Variants in SNTG1 observed in about 807,000 individuals in gnomAD.
SNTG1 encodes gamma-1-syntrophin.
A neutral mutation model predicts 74.7 loss-of-function variants in SNTG1; 39 were observed. That is an observed-to-expected ratio of 0.52 (90% CI 0.40 to 0.68). SNTG1 has a LOEUF of 0.68. Among genes scored for constraint, SNTG1 ranks in the 30% least tolerant of loss-of-function variants. The pLI, the probability that SNTG1 is intolerant of heterozygous loss-of-function variation, is 0.00. For missense variants in SNTG1, 685 were observed against 609.5 expected, an observed-to-expected ratio of 1.12 and a Z score of -1.30; for synonymous variants, 254 against 217.1, an observed-to-expected ratio of 1.17 and a Z score of -1.49.
At chr8:50,281,435 G>A (rs2130434460) in intron 2 of SNTG1, among the ~76,000 whole-genome samples, 1 of 152,282 alleles carries the variant, frequency 6.6e-6, no homozygotes, top group East Asian at 1.9e-4. Context: ...ATACATTCAA[G>A]TCTATCCACA....
At chr8:50,763,455 T>C (rs562027720) in intron 18 of SNTG1, among the ~76,000 whole-genome samples, 2 of 152,014 alleles carry the variant, frequency 1.3e-5, no homozygotes, top group East Asian at 3.9e-4. Context: ...ATAATTTTGA[T>C]TGAGGAAGAC....
intron 8 of SNTG1, among the ~76,000 whole-genome samples, chr8:50,470,027 T>C (rs978132825): frequency 3.3e-5 from 5 of 152,152 alleles, no homozygotes; most frequent in African/African-American, 1.2e-4. Context: ...CTCTGGTAAG[T>C]CACACAATAG....
chr8:50,574,262 G>A (rs992306274), intron 12 of SNTG1, among the ~76,000 whole-genome samples: 1 of 151,902 alleles, frequency 6.6e-6, no homozygotes, highest in Non-Finnish European at 1.5e-5. Context: ...TTCATCTTGG[G>A]TATTTAGTAT....
At chr8:50,210,336 T>C (rs527801874) in intron 2 of SNTG1, among the ~76,000 whole-genome samples, 14 of 152,288 alleles carry the variant, frequency 9.2e-5, no homozygotes, top group African/African-American at 3.1e-4. Context: ...TTCCCCAACC[T>C]AGCAAGGCAG....
At position 50,123,109 on chromosome 8, in the gene SNTG1, T is replaced by G. The variant is rs920771084; in HGVS notation, c.-102-49452T>G. 2.1e-5 allele frequency among the ~76,000 whole-genome samples: 3 copies of G among 141,918 alleles called. 1 individual carries two copies. Among genetic ancestry groups the G allele is most frequent in the Non-Finnish European group, 4.7e-5 (3 of 63,748 alleles). 93.1% of individuals were successfully genotyped at this position (141,918 alleles called of 152,430 possible). A position where few individuals can be genotyped will look rare whatever the true frequency, so the allele number is the denominator to read the frequency against. On this transcript the variant is annotated intron_variant, in intron 1 of 18. Transcript: ENST00000642720. The stretch of plus-strand genomic sequence containing the variant: ...CAAAATCTTAGATGCATTTGAGACA[T>G]CTAAGATTTCATACTCCACATGCCT...
intron 14 of SNTG1, 146 bp from the exon 15 acceptor site, chr8:50,658,446 G>A (rs933200404): frequency 1.9e-6 from 1 of 515,836 alleles, no homozygotes; most frequent in Non-Finnish European, 3.5e-6. Flanking sequence ...CATTATGTAG[G>A]GTCCTTTATG....
intron 18 of SNTG1, among the ~76,000 whole-genome samples, chr8:50,767,915 C>T (rs1045190037): frequency 6.6e-6 from 1 of 151,912 alleles, no homozygotes; most frequent in Admixed American, 6.6e-5. Flanking sequence ...TGATAATTCC[C>T]CTTATGGAAA....
intron 1 of SNTG1, among the ~76,000 whole-genome samples, chr8:50,111,329 C>T (rs1410034848): frequency 6.6e-6 from 1 of 152,042 alleles, no homozygotes; most frequent in African/African-American, 2.4e-5. Flanking sequence ...CGTTGAAGGA[C>T]GTCATAAGGT....
chr8:50,726,389 C>T (rs899476201), intron 17 of SNTG1, among the ~76,000 whole-genome samples: 13 of 152,210 alleles, frequency 8.5e-5, no homozygotes, highest in Non-Finnish European at 1.2e-4. Flanking sequence ...AAACATAAAA[C>T]GAGACATGAA....
intron 12 of SNTG1, among the ~76,000 whole-genome samples, chr8:50,557,221 CAA>C (rs570613406): frequency 3.1e-4 from 22 of 71,586 alleles, no homozygotes; most frequent in Middle Eastern, 9.1e-3. Flanking sequence ...GGGAGAAAAC[CAA>C]AAAAAAAAAA....
intron 13 of SNTG1, among the ~76,000 whole-genome samples, chr8:50,648,730 C>T (rs1312746217): frequency 6.6e-6 from 1 of 151,982 alleles, no homozygotes; most frequent in East Asian, 1.9e-4. Context: ...CTTAGGCATA[C>T]AGTTTAATTA....
rs116269569 is a variant in SNTG1, at chr8:50,028,547, C to T, written c.-103+116316C>T. On this transcript the variant is annotated intron_variant, in intron 1 of 18. Transcript: ENST00000642720. ...AAAAAACTGCCAATGTATTTTCAGA[C>T]TGAATGCACCGTTTTACTCCTCTAC... 3.5e-3 allele frequency among the ~76,000 whole-genome samples: 523 copies of T among 150,360 alleles called. 2 individuals are homozygous for T. Among genetic ancestry groups the T allele is most frequent in the African/African-American group, 0.012 (506 of 40,880 alleles).
chr8:50,502,091 C>A (rs2129697277), intron 8 of SNTG1, among the ~76,000 whole-genome samples: 1 of 152,096 alleles, frequency 6.6e-6, no homozygotes. Context: ...ACTAGACTTA[C>A]TAATTCTGTA....
chr8:50,416,545 G>A (rs558371981), intron 4 of SNTG1, among the ~76,000 whole-genome samples: 3 of 152,156 alleles, frequency 2.0e-5, no homozygotes, highest in African/African-American at 7.2e-5. Flanking sequence ...TAATATATGA[G>A]TTTGCAGATT....
chr8:50,343,094 C>T (rs559770814), intron 2 of SNTG1, among the ~76,000 whole-genome samples: 1 of 152,288 alleles, frequency 6.6e-6, no homozygotes, highest in Non-Finnish European at 1.5e-5. Context: ...TGAAATTTTT[C>T]CTGCTTCACT....
At chr8:50,647,365 T>C (rs886183652) in intron 13 of SNTG1, among the ~76,000 whole-genome samples, 1 of 151,838 alleles carries the variant, frequency 6.6e-6, no homozygotes, top group African/African-American at 2.4e-5. Context: ...ACTCAACAAT[T>C]AGAAAGGAAA....
intron 9 of SNTG1, among the ~76,000 whole-genome samples, chr8:50,504,772 T>A (rs1432566165): frequency 3.3e-5 from 5 of 152,108 alleles, no homozygotes. Context: ...ATCTCAAAAA[T>A]AAATAAATAA....
chr8:50,670,188 C>A (rs2095272986), intron 15 of SNTG1, among the ~76,000 whole-genome samples: 1 of 152,066 alleles, frequency 6.6e-6, no homozygotes, highest in African/African-American at 2.4e-5. Flanking sequence ...GAAGTTCTGG[C>A]CAGGGCGATT....
intron 1 of SNTG1, among the ~76,000 whole-genome samples, chr8:50,035,174 T>C (rs988225886): frequency 1.3e-5 from 2 of 152,198 alleles, no homozygotes; most frequent in Non-Finnish European, 2.9e-5. Flanking sequence ...CACTCACTCT[T>C]CTAAGGAGGC....
Sources: allele counts gnomAD v4.1 joint callset (sites outside exome capture counted in the v4.1 genomes callset), GRCh38; gene constraint gnomAD v4.1.1; transcripts MANE v1.5; gene names NCBI Gene and HGNC (gene_info 2026-07-23, HGNC 2026-07-21).